GALNT10: variants seen among roughly 807,000 people sequenced by gnomAD.
The protein encoded by GALNT10 is polypeptide N-acetylgalactosaminyltransferase 10.
A neutral mutation model predicts 75.0 loss-of-function variants in GALNT10; 41 were observed. That is an observed-to-expected ratio of 0.55 (90% CI 0.43 to 0.71). GALNT10 has a LOEUF of 0.71. Ranked by LOEUF, GALNT10 falls within the 30% of genes least tolerant of loss-of-function variation. The pLI is 0.00. For synonymous variants in GALNT10, 302 were observed against 313.0 expected (o/e 0.96, Z 0.37); for missense variants, 727 against 818.5 (o/e 0.89, Z 1.36).
intron 7 of GALNT10, among the ~76,000 whole-genome samples, chr5:154,395,703 G>T (rs1324085766): frequency 1.3e-5 from 2 of 152,130 alleles, no homozygotes; most frequent in Non-Finnish European, 2.9e-5. Flanking sequence ...TCTACAGAGG[G>T]GCACCAATCA....
At chr5:154,384,481 A>C (rs1755780385) in intron 6 of GALNT10, among the ~76,000 whole-genome samples, 1 of 152,196 alleles carries the variant, frequency 6.6e-6, no homozygotes, top group African/African-American at 2.4e-5. Flanking sequence ...TACTCTTTTC[A>C]TCCTAAGTCT....
chr5:154,334,038 T>G (rs1754905301), intron 4 of GALNT10, among the ~76,000 whole-genome samples: 2 of 152,192 alleles, frequency 1.3e-5, no homozygotes, highest in South Asian at 4.1e-4. Context: ...CAAGATAGAT[T>G]TCTCTGGGCT....
At chr5:154,353,637 C>T (rs1755244897) in intron 4 of GALNT10, among the ~76,000 whole-genome samples, 1 of 152,248 alleles carries the variant, frequency 6.6e-6, no homozygotes, top group Admixed American at 6.5e-5. Flanking sequence ...AACAAGAAGA[C>T]ATGGGCCCTG....
intron 1 of GALNT10, among the ~76,000 whole-genome samples, chr5:154,198,688 A>C (rs1774982210): frequency 6.6e-6 from 1 of 152,116 alleles, no homozygotes; most frequent in South Asian, 2.1e-4. Context: ...GACAACCCAG[A>C]CCCTCTGTAT....
intron 1 of GALNT10, among the ~76,000 whole-genome samples, chr5:154,232,683 G>C (rs1753168873): frequency 6.6e-6 from 1 of 152,144 alleles, no homozygotes; most frequent in Non-Finnish European, 1.5e-5. Context: ...GCAAGTACAG[G>C]GGTCATGAGG....
intron 1 of GALNT10, among the ~76,000 whole-genome samples, chr5:154,256,016 C>T (rs1225489365): frequency 6.6e-6 from 1 of 152,096 alleles, no homozygotes; most frequent in African/African-American, 2.4e-5. Flanking sequence ...CATATAACTG[C>T]CTCTAGAGTG....
chr5:154,405,113 C>A (rs1756246035), intron 8 of GALNT10, among the ~76,000 whole-genome samples: 1 of 152,208 alleles, frequency 6.6e-6, no homozygotes, highest in Non-Finnish European at 1.5e-5. Context: ...AGCCTGTGAG[C>A]CCCGCCCCGG....
At position 154,402,227 on chromosome 5, in the gene GALNT10, C is replaced by A. The variant is rs1336279555; in HGVS notation, c.1057-1877C>A. Among the ~76,000 whole-genome samples, 3 of 152,292 alleles carry A rather than the reference C, an allele frequency of 2.0e-5. No homozygotes were observed. The highest frequency in any genetic ancestry group is 7.2e-5 in the African/African-American group (3 of 41,560). On this transcript the variant is annotated intron_variant, in intron 7 of 11. Transcript: ENST00000297107. This position sits in a 1 kb window ranked among gnomAD's most constrained non-coding sequence, Gnocchi z 4.2. ...CCTGCCCGCGTCTCTGGCCTCCCCT[C>A]CCATCCCTCTTCCCCTTTCTCCCTC...
At chr5:154,406,339 T>G (rs1756280673) in intron 8 of GALNT10, 1 of 152,280 alleles carries the variant, frequency 6.6e-6, no homozygotes, top group South Asian at 2.1e-4. Context: ...TTTAAGCCAC[T>G]TAACAATCTG....
intron 1 of GALNT10, among the ~76,000 whole-genome samples, chr5:154,207,922 G>C (rs531369887): frequency 6.6e-6 from 1 of 152,104 alleles, no homozygotes; most frequent in African/African-American, 2.4e-5. Flanking sequence ...ATTTGCTTTC[G>C]TATGGGTCCT....
Position 154,420,107 on chromosome 5 carries a change from A to C in GALNT10, c.*3135A>C, listed in dbSNP as rs994134588. The C allele has an allele frequency of 6.6e-6, 1 of 152,242 alleles. No homozygotes were observed. Among genetic ancestry groups the C allele is most frequent in the Non-Finnish European group, 1.5e-5 (1 of 68,052 alleles). The allele number at this position is 152,242 out of a possible 1,614,324, so 9.4% of individuals were successfully genotyped here. ...TCTTCTGCCTCCAGTTGGAGCTTTCAGCTGTTAAAACAGTCAGAAACTATT... is the reference window on the plus strand; with the variant it reads ...TCTTCTGCCTCCAGTTGGAGCTTTCCGCTGTTAAAACAGTCAGAAACTATT... On this transcript the variant is annotated 3_prime_UTR_variant, in exon 12 of 12. Transcript: ENST00000297107.
At chr5:154,304,116 A>G (rs1157262015) in intron 3 of GALNT10, among the ~76,000 whole-genome samples, 2 of 152,224 alleles carry the variant, frequency 1.3e-5, no homozygotes, top group Non-Finnish European at 2.9e-5. Context: ...ACTACTCAAA[A>G]CACAGAAAAA....
chr5:154,196,368 C>T (rs1364503788), intron 1 of GALNT10, among the ~76,000 whole-genome samples: 1 of 152,202 alleles, frequency 6.6e-6, no homozygotes, highest in Non-Finnish European at 1.5e-5. Flanking sequence ...TAAGAACCAC[C>T]TCAGATTCTC....
chr5:154,404,041 G>A (rs1756221232), intron 7 of GALNT10, 63 bp from the exon 8 acceptor site: 3 of 1,297,338 alleles, frequency 2.3e-6, no homozygotes, highest in South Asian at 2.4e-5. Flanking sequence ...AGGGATGCTG[G>A]CCTGGCGGGA....
chr5:154,411,519 C>T (rs1756398201), intron 9 of GALNT10, among the ~76,000 whole-genome samples: 1 of 152,116 alleles, frequency 6.6e-6, no homozygotes. Flanking sequence ...GAGCAGTAGC[C>T]CCATGGAAAG....
chr5:154,373,027 T>C (rs560968504), intron 4 of GALNT10, among the ~76,000 whole-genome samples: 49 of 152,150 alleles, frequency 3.2e-4, no homozygotes, highest in Non-Finnish European at 6.3e-4. Context: ...GGGCAGCCCC[T>C]AGAATAGGGG....
chr5:154,322,744 T>C (rs187018840), intron 3 of GALNT10, among the ~76,000 whole-genome samples: 2 of 152,282 alleles, frequency 1.3e-5, no homozygotes, highest in Admixed American at 1.3e-4. Flanking sequence ...CTCACCATGT[T>C]GGTACAATTC....
intron 4 of GALNT10, among the ~76,000 whole-genome samples, chr5:154,330,118 G>A (rs754946): frequency 0.41 from 62,858 of 152,172 alleles, 15,261 homozygotes; most frequent in East Asian, 0.62. Flanking sequence ...CAAGAACCAG[G>A]CTGTTTCTTT....
chr5:154,322,878 G>T (rs1370501356), intron 3 of GALNT10, among the ~76,000 whole-genome samples: 1 of 152,154 alleles, frequency 6.6e-6, no homozygotes, highest in African/African-American at 2.4e-5. Context: ...AAGAACTTGG[G>T]ATATGGTATA....
Sources: allele counts gnomAD v4.1 joint callset (sites outside exome capture counted in the v4.1 genomes callset), GRCh38; gene constraint gnomAD v4.1.1; non-coding constraint Gnocchi (gnomAD v3.1); transcripts MANE v1.5; gene names NCBI Gene and HGNC (gene_info 2026-07-23, HGNC 2026-07-21).